Variants in MIPEP observed in about 807,000 individuals in gnomAD.
The protein encoded by MIPEP is mitochondrial intermediate peptidase.
Under a neutral mutation model 90.3 loss-of-function variants are expected in MIPEP, and 79 were observed. That is an observed-to-expected ratio of 0.87 (90% CI 0.73 to 1.05). MIPEP has a LOEUF of 1.05. MIPEP is among the 50% of genes least tolerant of loss of function. The pLI, the probability that MIPEP is intolerant of heterozygous loss-of-function variation, is 0.00. For synonymous variants in MIPEP, 334 were observed against 315.8 expected (o/e 1.06, Z -0.61); for missense variants, 940 against 905.6 (o/e 1.04, Z -0.49).
intron 16 of MIPEP, among the ~76,000 whole-genome samples, chr13:23,776,821 A>T (rs1396342209): frequency 9.7e-5 from 4 of 41,202 alleles, no homozygotes; most frequent in Non-Finnish European, 3.3e-4. Context: ...ACCTGCATTA[A>T]AAAAAAAAAA....
At chr13:23,744,558 T>C (rs1427322316) in intron 18 of MIPEP, among the ~76,000 whole-genome samples, 1 of 152,228 alleles carries the variant, frequency 6.6e-6, no homozygotes, top group Non-Finnish European at 1.5e-5. Flanking sequence ...ATGCATCCCT[T>C]GGACTGTTTA....
chr13:23,880,573 G>C (rs1243059786), intron 3 of MIPEP, among the ~76,000 whole-genome samples: 766 of 137,172 alleles, frequency 5.6e-3, no homozygotes, highest in Non-Finnish European at 9.0e-3. Context: ...AGAGAGCCTC[G>C]AGCAGGCAGC....
intron 16 of MIPEP, among the ~76,000 whole-genome samples, chr13:23,762,414 C>T (rs936526452): frequency 5.9e-5 from 9 of 152,212 alleles, no homozygotes; most frequent in Non-Finnish European, 1.3e-4. Flanking sequence ...ATGCTAGTGA[C>T]TCTCTGGTTA....
intron 16 of MIPEP, among the ~76,000 whole-genome samples, chr13:23,804,224 T>C (rs139163941): frequency 9.9e-5 from 15 of 152,260 alleles, no homozygotes; most frequent in African/African-American, 3.6e-4. Context: ...AGACCTACGA[T>C]AAAAAAGGGC....
intron 16 of MIPEP, among the ~76,000 whole-genome samples, chr13:23,773,708 T>C (rs957618077): frequency 1.3e-5 from 2 of 152,242 alleles, no homozygotes; most frequent in African/African-American, 4.8e-5. Flanking sequence ...ATATCCCTAA[T>C]GATGCTGAAC....
intron 16 of MIPEP, among the ~76,000 whole-genome samples, chr13:23,801,007 A>G (rs1953032131): frequency 6.6e-6 from 1 of 152,232 alleles, no homozygotes; most frequent in Admixed American, 6.5e-5. Context: ...TCACTGTCTA[A>G]AAGTTTGTAC....
At chr13:23,829,496 A>C (rs1868633445) in intron 14 of MIPEP, among the ~76,000 whole-genome samples, 1 of 152,206 alleles carries the variant, frequency 6.6e-6, no homozygotes, top group South Asian at 2.1e-4. Context: ...TTAAAAGGAA[A>C]GTGAAAACAC....
chr13:23,844,945 T>C (rs185297712), intron 10 of MIPEP, among the ~76,000 whole-genome samples: 25 of 152,222 alleles, frequency 1.6e-4, no homozygotes, highest in Non-Finnish European at 2.6e-4. Flanking sequence ...CTCAAAAATA[T>C]TAACAATGGG....
At chr13:23,868,645 C>T (rs1221811333) in intron 7 of MIPEP, among the ~76,000 whole-genome samples, 5 of 152,146 alleles carry the variant, frequency 3.3e-5, no homozygotes, top group Admixed American at 6.5e-5. Flanking sequence ...GCAGCTCCAT[C>T]ATCACGGCCA....
intron 16 of MIPEP, among the ~76,000 whole-genome samples, chr13:23,785,639 GA>G (rs935913514): frequency 4.3e-5 from 6 of 139,328 alleles, no homozygotes; most frequent in South Asian, 4.7e-4. Flanking sequence ...AAAAAAAAAA[GA>G]AAAAAAGAAA....
intron 12 of MIPEP, among the ~76,000 whole-genome samples, chr13:23,839,303 A>G (rs1424814057): frequency 6.6e-6 from 1 of 152,166 alleles, no homozygotes; most frequent in Non-Finnish European, 1.5e-5. Flanking sequence ...GTTTCCTCAT[A>G]ATGTGAGTAA....
chr13:23,848,581 G>T (rs1869657921), intron 10 of MIPEP, among the ~76,000 whole-genome samples: 2 of 152,212 alleles, frequency 1.3e-5, no homozygotes, highest in Admixed American at 1.3e-4. Context: ...ACACCTGGCA[G>T]AGGGGAGAAG....
intron 14 of MIPEP, among the ~76,000 whole-genome samples, chr13:23,828,650 A>G (rs913001228): frequency 9.9e-5 from 15 of 152,228 alleles, no homozygotes; most frequent in African/African-American, 3.6e-4. Flanking sequence ...ACTGTATTCA[A>G]AGACTTTTGA....
intron 16 of MIPEP, among the ~76,000 whole-genome samples, chr13:23,784,192 C>T (rs1203469697): frequency 2.6e-5 from 4 of 152,100 alleles, no homozygotes; most frequent in Non-Finnish European, 4.4e-5. Context: ...CAATCCTAAG[C>T]CAAAAGAACA....
At chr13:23,773,702 C>T (rs1952679635) in intron 16 of MIPEP, among the ~76,000 whole-genome samples, 1 of 152,180 alleles carries the variant, frequency 6.6e-6, no homozygotes, top group African/African-American at 2.4e-5. Flanking sequence ...ATTTGCATAT[C>T]CCTAATGATG....
chr13:23,794,395 G>A (rs547153393), intron 16 of MIPEP, among the ~76,000 whole-genome samples: 1 of 152,054 alleles, frequency 6.6e-6, no homozygotes, highest in Admixed American at 6.6e-5. Flanking sequence ...TATTGCTAAC[G>A]CTGCCTTAAC....
rs965380497 is a variant in MIPEP at position 23,811,632 on chromosome 13, T to A, written c.1654-1708A>T. ...GTCACATAGCCAGAGGCTATAAGAC[T>A]TGTAACTTCCCCAGCTACTCCTGTA... On this transcript the variant is annotated intron_variant, in intron 14 of 18. Transcript: ENST00000382172. Among the ~76,000 whole-genome samples, 9 of 152,210 alleles carry A rather than the reference T, an allele frequency of 5.9e-5. 1 individual carries two copies. Among genetic ancestry groups the A allele is most frequent in the African/African-American group, 1.7e-4 (7 of 41,444 alleles).
At chr13:23,770,937 G>A (rs1192877652) in intron 16 of MIPEP, among the ~76,000 whole-genome samples, 1 of 152,186 alleles carries the variant, frequency 6.6e-6, no homozygotes, top group Admixed American at 6.5e-5. Flanking sequence ...CTGTACCTCT[G>A]CATGGCGCAT....
intron 16 of MIPEP, among the ~76,000 whole-genome samples, chr13:23,762,867 A>G (rs1952562673): frequency 1.3e-5 from 2 of 152,202 alleles, no homozygotes; most frequent in South Asian, 4.1e-4. Context: ...TGGAGGTGCA[A>G]CAGATGCCAT....
Sources: allele counts gnomAD v4.1 joint callset (sites outside exome capture counted in the v4.1 genomes callset), GRCh38; gene constraint gnomAD v4.1.1; transcripts MANE v1.5; gene names NCBI Gene and HGNC (gene_info 2026-07-23, HGNC 2026-07-21).